The following CHCHD6 variants were observed in gnomAD, a reference collection of about 807,000 sequenced individuals.
CHCHD6 encodes MICOS complex subunit MIC25.
In CHCHD6, 28 loss-of-function variants were observed where a neutral mutation model predicts 32.3. That is an observed-to-expected ratio of 0.87 (90% confidence interval 0.64 to 1.19). The LOEUF (loss-of-function observed/expected upper bound fraction) is 1.19, where lower values mean the gene tolerates loss of function less well. CHCHD6 is among the 50% of genes most tolerant of loss of function. CHCHD6 has a pLI of 0.00. For synonymous variants in CHCHD6, 122 were observed against 117.5 expected, an observed-to-expected ratio of 1.04 and a Z score of -0.25; for missense variants, 333 against 307.0, an observed-to-expected ratio of 1.08 and a Z score of -0.63.
At chr3:126,825,443 G>A (rs1430837404) in intron 4 of CHCHD6, among the ~76,000 whole-genome samples, 2 of 152,110 alleles carry the variant, frequency 1.3e-5, no homozygotes, top group Admixed American at 1.3e-4. Context: ...ACTTGATTGT[G>A]TCATTCAGAT....
chr3:126,957,604 G>T (rs1334070671), intron 7 of CHCHD6, 53 bp downstream of exon 7: 3 of 1,538,672 alleles, frequency 1.9e-6, no homozygotes, highest in Admixed American at 3.9e-5. Flanking sequence ...GGTAGGCGAG[G>T]TACCTCTATC....
intron 6 of CHCHD6, among the ~76,000 whole-genome samples, chr3:126,915,861 G>A (rs770947688): frequency 1.3e-5 from 2 of 152,118 alleles, no homozygotes; most frequent in Non-Finnish European, 2.9e-5. Flanking sequence ...CAGAATCATG[G>A]CTCAATGCAG....
intron 4 of CHCHD6, among the ~76,000 whole-genome samples, chr3:126,820,391 T>C (rs1427062434): frequency 6.6e-6 from 1 of 152,140 alleles, no homozygotes; most frequent in Non-Finnish European, 1.5e-5. Flanking sequence ...TAATCATTAC[T>C]CTCCAAAGAG....
At chr3:126,793,141 A>G (rs1046932621) in intron 4 of CHCHD6, among the ~76,000 whole-genome samples, 1 of 152,140 alleles carries the variant, frequency 6.6e-6, no homozygotes, top group Non-Finnish European at 1.5e-5. Flanking sequence ...CTAGCATATA[A>G]TAGGGTCTTT....
At chr3:126,837,278 G>A (rs1032734075) in intron 4 of CHCHD6, among the ~76,000 whole-genome samples, 1 of 152,138 alleles carries the variant, frequency 6.6e-6, no homozygotes, top group African/African-American at 2.4e-5. Context: ...TTTAAAGTGG[G>A]TTTAGCCTGG....
chr3:126,942,258 G>C (rs776716122), intron 6 of CHCHD6, among the ~76,000 whole-genome samples: 1 of 152,146 alleles, frequency 6.6e-6, no homozygotes, highest in Non-Finnish European at 1.5e-5. Context: ...CGGTCTCCCT[G>C]CTGTGAAGGC....
intron 4 of CHCHD6, among the ~76,000 whole-genome samples, chr3:126,801,316 A>G (rs746744075): frequency 1.3e-5 from 2 of 152,214 alleles, no homozygotes; most frequent in Non-Finnish European, 2.9e-5. Flanking sequence ...GGTCAAGGAA[A>G]GGGGTGACAG....
At chr3:126,827,731 T>C (rs1351423982) in intron 4 of CHCHD6, among the ~76,000 whole-genome samples, 1 of 152,198 alleles carries the variant, frequency 6.6e-6, no homozygotes, top group African/African-American at 2.4e-5. Context: ...AAGAAAAAGA[T>C]ATAGATGAAT....
intron 5 of CHCHD6, among the ~76,000 whole-genome samples, chr3:126,858,724 C>A (rs1187664185): frequency 6.6e-6 from 1 of 152,214 alleles, no homozygotes; most frequent in Admixed American, 6.5e-5. Flanking sequence ...TCTGTTTGCA[C>A]CCGGCCCGCT....
At chr3:126,916,646 G>C (rs2078175484) in intron 6 of CHCHD6, among the ~76,000 whole-genome samples, 1 of 152,212 alleles carries the variant, frequency 6.6e-6, no homozygotes, top group Non-Finnish European at 1.5e-5. Flanking sequence ...CCCACACACA[G>C]ACACCCTGCC....
chr3:126,734,111 G>A (rs1480934388), intron 4 of CHCHD6, among the ~76,000 whole-genome samples: 1 of 152,174 alleles, frequency 6.6e-6, no homozygotes, highest in Non-Finnish European at 1.5e-5. Context: ...AGAAGCTCCT[G>A]GCAGAATTCC....
In CHCHD6 at chr3:126,886,404, A is replaced by G. The variant is rs1039305048; in HGVS notation, c.496-28276A>G. The stretch of plus-strand genomic sequence containing the variant: ...CCCCCTTCCAGGACATGAATCATCC[A>G]TTGTCCAGCACATCTACGCTGTAGA... On this transcript the variant is annotated intron_variant, in intron 5 of 7. Transcript: ENST00000290913. Among the ~76,000 whole-genome samples the G allele has an allele frequency of 3.3e-5, 5 of 152,286 alleles. No individual in the cohort carries two copies. The East Asian group carries it at 5.8e-4, about 18-fold the overall frequency.
intron 4 of CHCHD6, among the ~76,000 whole-genome samples, chr3:126,832,322 A>G (rs1484202410): frequency 6.6e-6 from 1 of 152,090 alleles, no homozygotes; most frequent in African/African-American, 2.4e-5. Context: ...CCAGAACCTT[A>G]CTGCCTTTTC....
intron 4 of CHCHD6, among the ~76,000 whole-genome samples, chr3:126,782,773 C>A (rs963508275): frequency 2.0e-5 from 3 of 152,132 alleles, no homozygotes; most frequent in Non-Finnish European, 4.4e-5. Flanking sequence ...TGGAGCACTT[C>A]GACTGTCTTG....
At chr3:126,728,814 C>G (rs1935655866) in intron 2 of CHCHD6, among the ~76,000 whole-genome samples, 1 of 152,160 alleles carries the variant, frequency 6.6e-6, no homozygotes, top group South Asian at 2.1e-4. Context: ...GTTCTTTTGT[C>G]ACTTGGAGTT....
At chr3:126,890,863 C>G (rs1427058216) in intron 5 of CHCHD6, among the ~76,000 whole-genome samples, 1 of 152,176 alleles carries the variant, frequency 6.6e-6, no homozygotes. Flanking sequence ...CAGTGTCTCA[C>G]TTTGGCTGGG....
chr3:126,923,031 G>T (rs145014711), intron 6 of CHCHD6, among the ~76,000 whole-genome samples: 3 of 152,152 alleles, frequency 2.0e-5, no homozygotes, highest in African/African-American at 4.8e-5. Flanking sequence ...TGTCCCCAGG[G>T]CAGATGTCAC....
At chr3:126,758,982 G>A (rs941197072) in intron 4 of CHCHD6, among the ~76,000 whole-genome samples, 2 of 152,164 alleles carry the variant, frequency 1.3e-5, no homozygotes, top group Admixed American at 1.3e-4. Flanking sequence ...TCGCATCTGT[G>A]GGCCCTGTGT....
intron 6 of CHCHD6, among the ~76,000 whole-genome samples, chr3:126,945,641 G>A (rs868805268): frequency 2.1e-5 from 3 of 140,358 alleles, no homozygotes; most frequent in Non-Finnish European, 3.1e-5. Flanking sequence ...GACTCAAGTC[G>A]GGAGACTCAG....
Sources: allele counts gnomAD v4.1 joint callset (sites outside exome capture counted in the v4.1 genomes callset), GRCh38; gene constraint gnomAD v4.1.1; transcripts MANE v1.5; gene names NCBI Gene and HGNC (gene_info 2026-07-23, HGNC 2026-07-21).